Variants in NTN1 observed in about 807,000 individuals in gnomAD.
The protein encoded by NTN1 is netrin 1, also known as netrin-1.
A neutral mutation model predicts 54.2 loss-of-function variants in NTN1; 11 were observed. That is an observed-to-expected ratio of 0.20 (90% CI 0.13 to 0.34). The LOEUF (loss-of-function observed/expected upper bound fraction) is 0.34. NTN1 is among the 10% of genes least tolerant of loss of function. The pLI, the probability that NTN1 is intolerant of heterozygous loss-of-function variation, is 1.00. For synonymous variants in NTN1, 371 were observed against 382.0 expected, an observed-to-expected ratio of 0.97 and a Z score of 0.33; for missense variants, 740 against 893.1, an observed-to-expected ratio of 0.83 and a Z score of 2.18.
At chr17:9,063,821 T>A (rs2142209610) in intron 2 of NTN1, among the ~76,000 whole-genome samples, 1 of 133,486 alleles carries the variant, frequency 7.5e-6, no homozygotes, top group Admixed American at 8.2e-5. Flanking sequence ...GTGCTAGGAT[T>A]ACAGGCGTGA....
intron 3 of NTN1, chr17:9,173,553 C>T (rs367692605): frequency 9.6e-6 from 1 of 104,286 alleles, no homozygotes; most frequent in Non-Finnish European, 2.3e-5. Context: ...GCAGCCTGGC[C>T]CACGCCGTGG....
intron 2 of NTN1, among the ~76,000 whole-genome samples, chr17:9,058,013 G>A (rs1361451801): frequency 2.0e-5 from 3 of 152,026 alleles, no homozygotes; most frequent in Non-Finnish European, 2.9e-5. Context: ...TCAGCCTCCC[G>A]AGTAGCTGGG....
At chr17:9,150,266 C>A (rs1567722655) in intron 2 of NTN1, among the ~76,000 whole-genome samples, 1 of 152,188 alleles carries the variant, frequency 6.6e-6, no homozygotes, top group Non-Finnish European at 1.5e-5. Flanking sequence ...TGGACCCCCA[C>A]TGTGAAACTG....
At chr17:9,139,019 T>C (rs1356917136) in intron 2 of NTN1, among the ~76,000 whole-genome samples, 3 of 152,126 alleles carry the variant, frequency 2.0e-5, no homozygotes, top group Non-Finnish European at 4.4e-5. Flanking sequence ...GGGAAGGCCA[T>C]CCTGGGGCAA....
intron 2 of NTN1, among the ~76,000 whole-genome samples, chr17:9,027,106 A>G (rs995231622): frequency 3.9e-5 from 6 of 152,130 alleles, no homozygotes; most frequent in Non-Finnish European, 5.9e-5. Flanking sequence ...GGGAGGTTAT[A>G]TTGGAGGTGT....
intron 2 of NTN1, among the ~76,000 whole-genome samples, chr17:9,140,692 G>C (rs2092295276): frequency 6.6e-6 from 1 of 152,246 alleles, no homozygotes; most frequent in African/African-American, 2.4e-5. Context: ...AAGGGCCAGT[G>C]AGAAATGAAC....
upstream of NTN1, among the ~76,000 whole-genome samples, chr17:9,019,465 T>C (rs78980774): frequency 0.018 from 2,790 of 152,382 alleles, 90 homozygotes; most frequent in African/African-American, 0.063. Context: ...CTAACATTTC[T>C]ATATGCATGT....
At chr17:9,143,441 G>C (rs2092304104) in intron 2 of NTN1, among the ~76,000 whole-genome samples, 1 of 151,190 alleles carries the variant, frequency 6.6e-6, no homozygotes, top group Non-Finnish European at 1.5e-5. Context: ...AGGCAGGCCA[G>C]GCAGCCTGCC....
chr17:9,171,048 C>G (rs969510036), intron 3 of NTN1: 3 of 152,160 alleles, frequency 2.0e-5, no homozygotes, highest in Admixed American at 6.5e-5. Flanking sequence ...CACCTTGATC[C>G]GAAAGTGGCA....
rs35003160 is a variant in NTN1 at position 9,084,645 on chromosome 17, G to GTTTT, written c.1018+61275_1018+61278dup. ...TTCAGCTTTGGCTTTGTTCTTTGCA[G>GTTTT]TTTTTTTTTTTTTTTTTTTTTTTTG... On this transcript the variant is annotated intron_variant, in intron 2 of 6. Transcript: ENST00000173229. Among the ~76,000 whole-genome samples the GTTTT allele has an allele frequency of 9.0e-4, 75 of 83,316 alleles. 2 individuals carry two copies. Among genetic ancestry groups the GTTTT allele is most frequent in the Non-Finnish European group, 1.4e-3 (59 of 41,876 alleles). The allele number at this position is 83,316 out of a possible 152,430, so 54.7% of individuals were successfully genotyped here. A position where few individuals can be genotyped will look rare whatever the true frequency, so the allele number is the denominator to read the frequency against.
chr17:9,137,522 A>G (rs543958538), intron 2 of NTN1, among the ~76,000 whole-genome samples: 26 of 152,214 alleles, frequency 1.7e-4, no homozygotes, highest in South Asian at 4.1e-4. Flanking sequence ...GCCTGGCACA[A>G]TGGCTCACGC....
At chr17:9,105,570 CAG>C (rs2092163105) in intron 2 of NTN1, among the ~76,000 whole-genome samples, 2 of 152,116 alleles carry the variant, frequency 1.3e-5, no homozygotes, top group African/African-American at 4.8e-5. Context: ...CCTGTGGGGA[CAG>C]GGGTGGGAGT....
intron 3 of NTN1, chr17:9,173,828 T>C (rs2092393507): frequency 6.6e-6 from 1 of 152,292 alleles, no homozygotes; most frequent in African/African-American, 2.4e-5. Flanking sequence ...GGCAGGGTGT[T>C]TTCTCTGTCT....
At chr17:9,207,071 C>T (rs544281184) in intron 5 of NTN1, among the ~76,000 whole-genome samples, 39 of 152,234 alleles carry the variant, frequency 2.6e-4, no homozygotes, top group South Asian at 2.5e-3. Context: ...GTGGCAGCTG[C>T]GCCCGTTTTT....
chr17:9,134,055 C>T (rs1175857537), intron 2 of NTN1, among the ~76,000 whole-genome samples: 1 of 151,686 alleles, frequency 6.6e-6, no homozygotes, highest in Non-Finnish European at 1.5e-5. Context: ...CAGGCACCTG[C>T]CACTATGCAC....
intron 5 of NTN1, among the ~76,000 whole-genome samples, chr17:9,189,427 C>T (rs1904391201): frequency 6.6e-6 from 1 of 152,250 alleles, no homozygotes; most frequent in African/African-American, 2.4e-5. Context: ...TCTCAGCTCA[C>T]TGCAACCTCC....
intron 3 of NTN1, among the ~76,000 whole-genome samples, chr17:9,164,315 C>G (rs867063824): frequency 6.6e-6 from 1 of 152,030 alleles, no homozygotes; most frequent in Non-Finnish European, 1.5e-5. Flanking sequence ...ATCCCAGCTA[C>G]TTGGGAGGCT....
intron 6 of NTN1, among the ~76,000 whole-genome samples, chr17:9,226,292 G>GA (rs1905545739): frequency 6.6e-6 from 1 of 152,136 alleles, no homozygotes; most frequent in African/African-American, 2.4e-5. Context: ...TCGCCGCCGG[G>GA]GCCTCGGTTT....
At chr17:9,029,978 G>A (rs553268366) in intron 2 of NTN1, among the ~76,000 whole-genome samples, 7 of 140,916 alleles carry the variant, frequency 5.0e-5, no homozygotes, top group African/African-American at 1.8e-4. Context: ...GCAACAGAGC[G>A]AAACTCCGTC....
Sources: gnomAD v4.1 joint callset for allele counts (sites outside exome capture counted in the v4.1 genomes callset) on GRCh38, gnomAD v4.1.1 for gene constraint, MANE v1.5 for transcripts, NCBI Gene and HGNC (gene_info 2026-07-23, HGNC 2026-07-21) for gene names.